The following HNRNPM variants were observed in gnomAD, a reference collection of about 807,000 sequenced individuals.
The protein encoded by HNRNPM is heterogeneous nuclear ribonucleoprotein M.
In HNRNPM, 11 loss-of-function variants were observed where a neutral mutation model predicts 73.1. The observed-to-expected ratio is 0.15, with a 90% CI of 0.09 to 0.25. The LOEUF (loss-of-function observed/expected upper bound fraction) is 0.25, where lower values mean the gene tolerates loss of function less well. Among genes scored for constraint, HNRNPM ranks in the 10% least tolerant of loss-of-function variants. The pLI, the probability that HNRNPM is intolerant of heterozygous loss-of-function variation, is 1.00. For missense variants in HNRNPM, 789 were observed against 1,067.9 expected (o/e 0.74, Z 3.64); for synonymous variants, 407 against 355.2 (o/e 1.15, Z -1.64).
At chr19:8,449,172 G>T (rs922026936) in intron 1 of HNRNPM, among the ~76,000 whole-genome samples, 1 of 151,776 alleles carries the variant, frequency 6.6e-6, no homozygotes, top group Non-Finnish European at 1.5e-5. Context: ...TTAGAAGACA[G>T]GGTTTTGGAT....
Position 8,445,061 on chromosome 19 carries a change from G to A in HNRNPM, c.63G>A (p.Glu21=), listed in dbSNP as rs1477434844. The A allele has an allele frequency of 5.6e-6, 8 of 1,427,948 alleles. No homozygotes were observed. The highest frequency in any genetic ancestry group is 6.4e-6 in the Non-Finnish European group (7 of 1,093,632). The allele number at this position is 1,427,948 out of a possible 1,614,324, so 88.5% of individuals were successfully genotyped here. A position where few individuals can be genotyped will look rare whatever the true frequency, so the allele number is the denominator to read the frequency against. ...VAATEIKMEE[E]SGAPGVPSGN... The stretch of plus-strand genomic sequence containing the variant: ...CGACGGAGATCAAAATGGAGGAAGA[G>A]AGCGGCGCGCCCGGCGTGCCGAGCG... The change falls in exon 1 of 16, where the codon GAG becomes GAA. Residue 21 remains glutamate (E), a synonymous_variant. Transcript: ENST00000325495.
chr19:8,482,250 C>T (rs577371451), intron 12 of HNRNPM, among the ~76,000 whole-genome samples: 74 of 152,306 alleles, frequency 4.9e-4, no homozygotes, highest in African/African-American at 1.7e-3. Flanking sequence ...AGCTACTGCG[C>T]GGCCGGGGGA....
At chr19:8,467,155 A>G (rs1969813727) in intron 7 of HNRNPM, among the ~76,000 whole-genome samples, 1 of 152,202 alleles carries the variant, frequency 6.6e-6, no homozygotes, top group Non-Finnish European at 1.5e-5. Flanking sequence ...GAGCACATTC[A>G]TACAACTCAG....
chr19:8,465,577 A>G (rs1969688305), intron 6 of HNRNPM, 62 bp downstream of exon 6: 2 of 1,048,848 alleles, frequency 1.9e-6, no homozygotes, highest in Admixed American at 2.4e-5. Flanking sequence ...GACCTTGTCA[A>G]TATGTTATAA....
At chr19:8,450,205 C>G (rs887101259) in intron 1 of HNRNPM, among the ~76,000 whole-genome samples, 1 of 152,142 alleles carries the variant, frequency 6.6e-6, no homozygotes, top group Non-Finnish European at 1.5e-5. Flanking sequence ...GGTTCTCACA[C>G]GGGCAGAGGG....
intron 7 of HNRNPM, 28 bp downstream of exon 7, chr19:8,466,416 G>A: frequency 6.2e-7 from 1 of 1,611,610 alleles, no homozygotes; most frequent in Non-Finnish European, 8.5e-7. Context: ...TTCAACTTAT[G>A]AACAGTTTGA....
At chr19:8,445,336 TCCCTC>T in intron 1 of HNRNPM, 1 of 396,152 alleles carries the variant, frequency 2.5e-6, no homozygotes. Context: ...CCACCCTCAG[TCCCTC>T]CAGGCCGGGG....
intron 10 of HNRNPM, among the ~76,000 whole-genome samples, chr19:8,471,904 G>A (rs1342405674): frequency 6.6e-6 from 1 of 152,204 alleles, no homozygotes; most frequent in Non-Finnish European, 1.5e-5. Flanking sequence ...CAGGCACGGT[G>A]GCTCACGCCT....
intron 15 of HNRNPM, 108 bp from the exon 16 acceptor site, chr19:8,488,583 T>G: frequency 1.1e-6 from 1 of 942,108 alleles, no homozygotes; most frequent in East Asian, 2.6e-5. Flanking sequence ...GCCATTGTAT[T>G]CTGAGCCTTT....
chr19:8,456,134 C>T (rs1411158472), intron 2 of HNRNPM, among the ~76,000 whole-genome samples: 1 of 151,968 alleles, frequency 6.6e-6, no homozygotes, highest in African/African-American at 2.4e-5. Context: ...GTAGACTGGC[C>T]ATTGGAGAGC....
chr19:8,469,219 A>G (rs1435436174), intron 9 of HNRNPM, among the ~76,000 whole-genome samples: 3 of 152,204 alleles, frequency 2.0e-5, no homozygotes, highest in Non-Finnish European at 4.4e-5. Context: ...TCGCACGCAG[A>G]TGTTTGCAGC....
chr19:8,462,601 T>C lies in HNRNPM; in HGVS notation c.336+20T>C, dbSNP rs369780514. 1 of 1,598,126 alleles carries C rather than the reference T, an allele frequency of 6.3e-7. No homozygotes were observed. Among genetic ancestry groups the C allele is most frequent in the African/African-American group, 1.3e-5 (1 of 74,648 alleles). ...TCAAGGGTAAGTGTCTGAGAGAATT[T>C]CTTCTGTGGATTTACTACATGAAAA... On this transcript the variant is annotated intron_variant, in intron 3 of 15. Coordinates refer to ENST00000325495, the MANE Select transcript of HNRNPM (RefSeq NM_005968.5). This position sits in a 1 kb window ranked among gnomAD's most constrained non-coding sequence, Gnocchi z 4.5.
Position 8,486,233 on chromosome 19 carries a change from C to T in HNRNPM, c.1805C>T (p.Ala602Val). 6.3e-7 allele frequency: 1 copy of T among 1,591,090 alleles called. No homozygotes were observed. The highest frequency in any genetic ancestry group is 8.5e-7 in the Non-Finnish European group (1 of 1,170,044). ...CCTGCCATGGGCCCGGCCCTGGGCG[C>T]TGGCATTGAGCGCATGGGCCTGGCC... ...MGPAMGPALGAGIERMGLAMG... is the reference protein window; with the variant it reads ...MGPAMGPALGVGIERMGLAMG... The change falls in exon 14 of 16, where the codon GCT becomes GTT. Residue 602 changes from alanine (A) to valine (V), a missense_variant. Around this residue, in one of 4 missense-constraint regions of HNRNPM, gnomAD observed 604 missense variants for 744.0 expected, o/e 0.81. Coordinates refer to ENST00000325495, the MANE Select transcript of HNRNPM (RefSeq NM_005968.5).
chr19:8,468,036 AAAG>A (rs1423543789), intron 8 of HNRNPM, among the ~76,000 whole-genome samples: 7 of 152,004 alleles, frequency 4.6e-5, no homozygotes, highest in South Asian at 2.1e-4. Flanking sequence ...CAAGAAAAAA[AAAG>A]AAGAAAAAAA....
intron 2 of HNRNPM, among the ~76,000 whole-genome samples, chr19:8,456,265 C>T (rs995588375): frequency 1.4e-4 from 22 of 152,170 alleles, no homozygotes; most frequent in Non-Finnish European, 2.6e-4. Flanking sequence ...CCAGGAGGCC[C>T]GAGGAGGCCT....
At chr19:8,445,424 G>T (rs765793004) in intron 1 of HNRNPM, 3 of 259,470 alleles carry the variant, frequency 1.2e-5, no homozygotes, top group Non-Finnish European at 2.2e-5. Context: ...GGACCGGAGA[G>T]CCTCCGAGGC....
chr19:8,485,822 T>C lies in HNRNPM; in HGVS notation c.1394T>C (p.Met465Thr), dbSNP rs1463947424. 1.2e-6 allele frequency: 2 copies of C among 1,602,438 alleles called. No individual in the cohort carries two copies. The highest frequency in any genetic ancestry group is 4.5e-5 in the East Asian group (2 of 44,702). Residue 465 changes from methionine (M) to threonine (T), a missense_variant, in exon 14 of 16, where the codon ATG becomes ACG. By Grantham distance (81) the Met-to-Thr change is moderately conservative. Coordinates refer to ENST00000325495, the MANE Select transcript of HNRNPM (RefSeq NM_005968.5). ...ATGGGCCCGCTGGGCCTCGACCACA[T>C]GGCCTCCAGCATTGAGCGCATGGGC... ...ERMGPLGLDHMASSIERMGQT... is the reference protein window; with the variant it reads ...ERMGPLGLDHTASSIERMGQT...
At chr19:8,455,273 A>G (rs1165558129) in intron 1 of HNRNPM, 132 bp from the exon 2 acceptor site, 1 of 744,274 alleles carries the variant, frequency 1.3e-6, no homozygotes. Flanking sequence ...GAGCCACCGC[A>G]TCTGACCAAT....
chr19:8,471,418 G>A lies in HNRNPM; in HGVS notation c.988G>A (p.Gly330Ser). Residue 330 changes from glycine to serine, a missense_variant, in exon 10 of 16, where the codon GGT (glycine) becomes AGT (serine). This residue lies in a region of HNRNPM where 604 missense variants were observed against 744.0 expected (regional missense o/e 0.81). Transcript: ENST00000325495. The part of the protein sequence containing the change: ...LNKGIGMGNI[G>S]PAGMGMEGIG... ...TAAAGGCATCGGAATGGGAAACATA[G>A]GTCCCGCAGGTGAGAATGACAGTGC... 6.3e-7 allele frequency: 1 copy of A among 1,594,368 alleles called. No individual in the cohort carries two copies. The highest frequency in any genetic ancestry group is 8.6e-7 in the Non-Finnish European group (1 of 1,168,570).
Sources: allele counts gnomAD v4.1 joint callset (sites outside exome capture counted in the v4.1 genomes callset), GRCh38; gene constraint gnomAD v4.1.1; regional missense constraint gnomAD v4.1.1; non-coding constraint Gnocchi (gnomAD v3.1); transcripts MANE v1.5; gene names NCBI Gene and HGNC (gene_info 2026-07-23, HGNC 2026-07-21).